RALGAPA2: variants seen among roughly 807,000 people sequenced by gnomAD.
The protein encoded by RALGAPA2 is ral GTPase-activating protein subunit alpha-2.
In RALGAPA2, 139 loss-of-function variants were observed where a neutral mutation model predicts 230.4. The ratio of observed to expected loss-of-function variants is 0.60; its 90% CI spans 0.53 to 0.69. The LOEUF (loss-of-function observed/expected upper bound fraction) is 0.69. Among genes scored for constraint, RALGAPA2 ranks in the 30% least tolerant of loss-of-function variants. The probability of loss-of-function intolerance (pLI) is 0.00; values close to 1 mark genes in which losing one functional copy is unlikely to be tolerated. For missense variants in RALGAPA2, 2,163 were observed against 2,276.0 expected, an observed-to-expected ratio of 0.95 and a Z score of 1.01; for synonymous variants, 847 against 837.8, an observed-to-expected ratio of 1.01 and a Z score of -0.19.
At chr20:20,402,142 T>C (rs891122154) in intron 38 of RALGAPA2, among the ~76,000 whole-genome samples, 5 of 152,218 alleles carry the variant, frequency 3.3e-5, no homozygotes, top group Admixed American at 2.0e-4. Context: ...AGCTCTGGTC[T>C]GGACATGACC....
At chr20:20,444,459 C>T (rs1305445822) in intron 37 of RALGAPA2, among the ~76,000 whole-genome samples, 3 of 152,050 alleles carry the variant, frequency 2.0e-5, no homozygotes, top group African/African-American at 7.2e-5. Context: ...TACACACACG[C>T]ACAGACACAC....
At chr20:20,485,663 C>A (rs1480807040) in intron 36 of RALGAPA2, among the ~76,000 whole-genome samples, 2 of 152,130 alleles carry the variant, frequency 1.3e-5, no homozygotes, top group East Asian at 3.9e-4. Flanking sequence ...AACCCAAATC[C>A]ACTTTCAAAT....
Position 20,546,714 on chromosome 20 carries a change from T to C in RALGAPA2, c.3275A>G (p.Asp1092Gly), listed in dbSNP as rs746503972. The C allele has an allele frequency of 6.2e-7, 1 of 1,600,130 alleles. No individual in the cohort carries two copies. The highest frequency in any genetic ancestry group is 8.5e-7 in the Non-Finnish European group (1 of 1,175,950). The change falls in exon 24 of 40, where the codon GAC becomes GGC. Residue 1092 changes from aspartate (D) to glycine (G), a missense_variant. By Grantham distance (94) the Asp-to-Gly change is moderately conservative. Transcript: ENST00000202677. ...ITAAARVLST[D>G]ILTAPRSEAV... Reference sequence around the variant, plus strand: ...CATTGTCATACTCACCGTCAAAATGTCTGTGCTAAGGACCCTGGCAGCGGC... The same window carrying C: ...CATTGTCATACTCACCGTCAAAATGCCTGTGCTAAGGACCCTGGCAGCGGC...
intron 37 of RALGAPA2, among the ~76,000 whole-genome samples, chr20:20,464,414 AG>A (rs1444108722): frequency 6.6e-6 from 1 of 152,232 alleles, no homozygotes. Flanking sequence ...CTAGGTCCCT[AG>A]GATTTATAAA....
At chr20:20,462,662 A>G (rs1465345016) in intron 37 of RALGAPA2, among the ~76,000 whole-genome samples, 1 of 152,192 alleles carries the variant, frequency 6.6e-6, no homozygotes, top group Non-Finnish European at 1.5e-5. Context: ...CTAGATTACC[A>G]AAAAAGTATT....
At chr20:20,693,036 T>C (rs1417019194) in intron 1 of RALGAPA2, among the ~76,000 whole-genome samples, 1 of 152,244 alleles carries the variant, frequency 6.6e-6, no homozygotes, top group African/African-American at 2.4e-5. Context: ...ACAGAAATTA[T>C]AATATTAATC....
intron 14 of RALGAPA2, among the ~76,000 whole-genome samples, chr20:20,610,433 T>C (rs2065944172): frequency 6.6e-6 from 1 of 152,140 alleles, no homozygotes; most frequent in African/African-American, 2.4e-5. Flanking sequence ...GCTCACCACA[T>C]GAGATGCAAG....
intron 1 of RALGAPA2, among the ~76,000 whole-genome samples, chr20:20,694,909 T>C (rs1483813123): frequency 6.6e-6 from 1 of 152,210 alleles, no homozygotes; most frequent in Non-Finnish European, 1.5e-5. Flanking sequence ...TAAATTATTT[T>C]TCATATATTC....
chr20:20,662,093 T>A (rs537512050), intron 3 of RALGAPA2, among the ~76,000 whole-genome samples: 1 of 152,314 alleles, frequency 6.6e-6, no homozygotes, highest in African/African-American at 2.4e-5. Flanking sequence ...AATGTAGTTA[T>A]AGCAAGACTG....
intron 16 of RALGAPA2, among the ~76,000 whole-genome samples, chr20:20,595,583 A>G (rs949191609): frequency 7.2e-5 from 11 of 152,198 alleles, no homozygotes; most frequent in African/African-American, 2.4e-4. Context: ...CTATTACAAT[A>G]TTCCTAAAAG....
At chr20:20,707,736 C>A (rs572895061) in intron 1 of RALGAPA2, among the ~76,000 whole-genome samples, 2 of 152,156 alleles carry the variant, frequency 1.3e-5, no homozygotes, top group East Asian at 3.9e-4. Context: ...GGCTTCTGAT[C>A]CCCCAGCCAG....
At chr20:20,486,119 A>G (rs1441324486) in intron 36 of RALGAPA2, among the ~76,000 whole-genome samples, 1 of 152,204 alleles carries the variant, frequency 6.6e-6, no homozygotes, top group Non-Finnish European at 1.5e-5. Flanking sequence ...CAGCCTGGAC[A>G]ACAGACTGAC....
intron 37 of RALGAPA2, among the ~76,000 whole-genome samples, chr20:20,458,420 AAT>A (rs1048575040): frequency 2.1e-5 from 3 of 142,340 alleles, no homozygotes; most frequent in African/African-American, 5.3e-5. Context: ...TGTTATATAT[AAT>A]ATATATGTAT....
rs182542879 is a variant in RALGAPA2 at position 20,662,168 on chromosome 20, T to C, written c.271-8581A>G. Among the ~76,000 whole-genome samples the C allele has an allele frequency of 1.0e-3, 157 of 152,310 alleles. 1 individual carries two copies. The highest frequency in any genetic ancestry group is 3.7e-3 in the African/African-American group (152 of 41,568). On this transcript the variant is annotated intron_variant, in intron 3 of 39. Coordinates refer to ENST00000202677, the MANE Select transcript of RALGAPA2 (RefSeq NM_020343.4). ...CTATGAAACATTTACAAAGTTATTATTCTAAGCGATGCAAATAAATCCCTC... is the reference window on the plus strand; with the variant it reads ...CTATGAAACATTTACAAAGTTATTACTCTAAGCGATGCAAATAAATCCCTC...
chr20:20,621,676 T>C lies in RALGAPA2; in HGVS notation c.1234-1046A>G, dbSNP rs138347717. Among the ~76,000 whole-genome samples, 157 of 152,326 alleles carry C rather than the reference T, an allele frequency of 1.0e-3. 2 individuals carry two copies. The East Asian group carries it at 0.029, about 28-fold the overall frequency. Reference sequence around the variant, plus strand: ...TTTTTAACATTAAGGAATTCCCTTATACATCTCCATACAACAATTTTGATT... The same window carrying C: ...TTTTTAACATTAAGGAATTCCCTTACACATCTCCATACAACAATTTTGATT... On this transcript the variant is annotated intron_variant, in intron 10 of 39. Coordinates refer to ENST00000202677, the MANE Select transcript of RALGAPA2 (RefSeq NM_020343.4).
intron 37 of RALGAPA2, among the ~76,000 whole-genome samples, chr20:20,433,770 G>A (rs935899080): frequency 6.6e-6 from 1 of 151,996 alleles, no homozygotes; most frequent in Non-Finnish European, 1.5e-5. Flanking sequence ...AGATGAAGAC[G>A]ATGCTCACGA....
chr20:20,458,257 G>A (rs1031096005), intron 37 of RALGAPA2, among the ~76,000 whole-genome samples: 5 of 151,702 alleles, frequency 3.3e-5, no homozygotes, highest in Admixed American at 6.6e-5. Context: ...ATTTATTGTC[G>A]AAGATGGTTT....
Position 20,629,408 on chromosome 20 carries a change from C to T in RALGAPA2, c.1188G>A (p.Leu396=). The T allele has an allele frequency of 6.2e-7, 1 of 1,613,006 alleles. No homozygotes were observed. The highest frequency in any genetic ancestry group is 2.2e-5 in the East Asian group (1 of 44,816). Residue 396 remains leucine, a synonymous_variant, in exon 10 of 40, where the codon TTG becomes TTA. Transcript: ENST00000202677. ...MVYEMVQRIL[L]STRGYVNFVN... ...CGAAGTTGACATAACCTCGTGTTGA[C>T]AAGAGAATCCGCTGTACCATTTCAT...
In RALGAPA2 at chr20:20,399,343, C is replaced by CAAA. The variant is rs11396922; in HGVS notation, c.5618-2612_5618-2610dup. 8.0e-3 allele frequency among the ~76,000 whole-genome samples: 921 copies of CAAA among 115,764 alleles called. 16 individuals are homozygous for CAAA. The highest frequency in any genetic ancestry group is 0.011 in the Non-Finnish European group (638 of 58,504). The allele number at this position is 115,764 out of a possible 152,430, so 75.9% of individuals were successfully genotyped here. A position where few individuals can be genotyped will look rare whatever the true frequency, so the allele number is the denominator to read the frequency against. ...TGGGCAATAGAGCGAAACTCCGTCT[C>CAAA]AAAAAAAAAAAAAAAAAAAGTTGTG... On this transcript the variant is annotated intron_variant, in intron 38 of 39. Coordinates refer to ENST00000202677, the MANE Select transcript of RALGAPA2 (RefSeq NM_020343.4).
Sources: allele counts gnomAD v4.1 joint callset (sites outside exome capture counted in the v4.1 genomes callset), GRCh38; gene constraint gnomAD v4.1.1; transcripts MANE v1.5; gene names NCBI Gene and HGNC (gene_info 2026-07-23, HGNC 2026-07-21).